The following ZNF17 variants were observed in gnomAD, a reference collection of about 807,000 sequenced individuals.
ZNF17 encodes the protein zinc finger protein 17 (HPF3, KOX 10).
In ZNF17, 4 loss-of-function variants were observed where a neutral mutation model predicts 7.7. The ratio of observed to expected loss-of-function variants is 0.52; its 90% confidence interval spans 0.26 to 1.20. The LOEUF is 1.20. Ranked by LOEUF, ZNF17 falls within the 50% of genes most tolerant of loss-of-function variation. ZNF17 has a pLI of 0.14. For synonymous variants in ZNF17, 249 were observed against 258.8 expected (o/e 0.96, Z 0.36); for missense variants, 738 against 799.5 (o/e 0.92, Z 0.93).
At position 57,421,305 on chromosome 19, in the gene ZNF17, A is replaced by G; in HGVS notation, c.1819A>G (p.Thr607Ala). 3 of 1,614,044 alleles carry G rather than the reference A, an allele frequency of 1.9e-6. No homozygotes were observed. Among genetic ancestry groups the G allele is most frequent in the Non-Finnish European group, 2.5e-6 (3 of 1,179,992 alleles). ...STLISHERVH[T>A]GEKPYECSEC... Reference sequence around the variant, plus strand: ...ACTCATTAGTCATGAGAGAGTTCATACTGGAGAAAAGCCTTATGAGTGCAG... The same window carrying G: ...ACTCATTAGTCATGAGAGAGTTCATGCTGGAGAAAAGCCTTATGAGTGCAG... The change falls in exon 4 of 4, where the codon ACT (threonine) becomes GCT (alanine). Residue 607 changes from threonine (T) to alanine (A), a missense_variant. Around this residue, in one of 3 missense-constraint regions of ZNF17, gnomAD observed 116 missense variants for 114.0 expected, o/e 1.02. Coordinates refer to ENST00000307658, the MANE Select transcript of ZNF17 (RefSeq NM_001330617.2).
intron 2 of ZNF17, 103 bp from the exon 3 acceptor site, chr19:57,417,809 T>G: frequency 7.1e-7 from 1 of 1,410,982 alleles, no homozygotes; most frequent in Non-Finnish European, 9.6e-7. Flanking sequence ...ATCACACCAC[T>G]GCACTCCAGC....
chr19:57,419,079 C>G (rs1255874550), intron 3 of ZNF17: 1 of 152,952 alleles, frequency 6.5e-6, no homozygotes, highest in African/African-American at 2.4e-5. Flanking sequence ...CGGTGTTTCT[C>G]CATGTTGGTC....
At chr19:57,413,549 G>A in intron 1 of ZNF17, 47 bp from the exon 2 acceptor site, 3 of 1,533,694 alleles carry the variant, frequency 2.0e-6, no homozygotes, top group Non-Finnish European at 2.6e-6. Context: ...CAGCCTGTAG[G>A]ATGCTGCAAT....
At chr19:57,413,264 C>A in intron 1 of ZNF17, 1 of 259,772 alleles carries the variant, frequency 3.8e-6, no homozygotes, top group African/African-American at 2.2e-5. Flanking sequence ...AATACACACC[C>A]AAAATTTCAA....
Position 57,411,174 on chromosome 19 carries a change from G to C in ZNF17, c.-253G>C, listed in dbSNP as rs1044971671. On this transcript the variant is annotated 5_prime_UTR_variant, in exon 1 of 4. Transcript: ENST00000307658. ...GCGGGACTTCCTGCAACGCCTCCTG[G>C]GGTTGTCAATATGGCTGCGTTGGGA... 2 of 591,864 alleles carry C rather than the reference G, an allele frequency of 3.4e-6. No homozygotes were observed. The highest frequency in any genetic ancestry group is 3.7e-5 in the African/African-American group (2 of 53,342). 36.7% of individuals were successfully genotyped at this position (591,864 alleles called of 1,614,324 possible). A position where few individuals can be genotyped will look rare whatever the true frequency, so the allele number is the denominator to read the frequency against.
In ZNF17 at chr19:57,420,282, C is replaced by T. The variant is rs747217901; in HGVS notation, c.796C>T (p.His266Tyr). 6.2e-7 allele frequency: 1 copy of T among 1,614,186 alleles called. No homozygotes were observed. Among genetic ancestry groups the T allele is most frequent in the South Asian group, 1.1e-5 (1 of 91,088 alleles). ...AFSLKYNVVQ[H>Y]QKIHTGERPY... ...CAGCCTCAAATACAATGTTGTTCAA[C>T]ACCAGAAAATTCACACTGGAGAAAG... Residue 266 changes from histidine to tyrosine, a missense_variant, in exon 4 of 4, where the codon CAC (histidine) becomes TAC (tyrosine). By Grantham distance (83) the His-to-Tyr change is moderately conservative. This residue lies in a region of ZNF17 where 616 missense variants were observed against 663.9 expected (regional missense o/e 0.93). Coordinates refer to ENST00000307658, the MANE Select transcript of ZNF17 (RefSeq NM_001330617.2).
In ZNF17 at chr19:57,420,403, G is replaced by C; in HGVS notation, c.917G>C (p.Cys306Ser). 1 of 1,614,212 alleles carries C rather than the reference G, an allele frequency of 6.2e-7. No individual in the cohort carries two copies. Among genetic ancestry groups the C allele is most frequent in the East Asian group, 2.2e-5 (1 of 44,882 alleles). ...CACACCAGGCCAAGGCCTTATGTGT[G>C]TAGTGAATGTGGGAAGGCCTTCCTT... is the stretch of plus-strand genomic sequence containing the variant. ...RIHTRPRPYV[C>S]SECGKAFLTQ... is the part of the protein sequence containing the mutation. The change falls in exon 4 of 4, where the codon TGT becomes TCT. Residue 306 changes from cysteine to serine, a missense_variant. Around this residue, in one of 3 missense-constraint regions of ZNF17, gnomAD observed 616 missense variants for 663.9 expected, o/e 0.93. Coordinates refer to ENST00000307658, the MANE Select transcript of ZNF17 (RefSeq NM_001330617.2).
chr19:57,421,794 C>G lies in ZNF17; in HGVS notation c.*313C>G, dbSNP rs1216286855. 2 of 232,018 alleles carry G rather than the reference C, an allele frequency of 8.6e-6. No individual in the cohort carries two copies. Among genetic ancestry groups the G allele is most frequent in the Non-Finnish European group, 1.7e-5 (2 of 121,172 alleles). The allele number at this position is 232,018 out of a possible 1,614,324, so 14.4% of individuals were successfully genotyped here. On this transcript the variant is annotated 3_prime_UTR_variant, in exon 4 of 4. Transcript: ENST00000307658. ...AGTCCGGGTACCTCATATAAGAAAA[C>G]TTAAGTTTTGGTCTTCTTGTGGTTT... is the stretch of plus-strand genomic sequence containing the variant.
At chr19:57,419,524 C>T (rs942285969) in intron 3 of ZNF17, 111 bp from the exon 4 acceptor site, 82 of 1,197,584 alleles carry the variant, frequency 6.8e-5, no homozygotes, top group Admixed American at 1.0e-4. Context: ...ATGTCCCATG[C>T]CTGTCACCAA....
In ZNF17 at chr19:57,417,930, G is replaced by C. The variant is rs1352322278; in HGVS notation, c.40G>C (p.Asp14His). 2.5e-6 allele frequency: 4 copies of C among 1,614,022 alleles called. 1 individual carries two copies. The South Asian group carries it at 4.4e-5, about 18-fold the overall frequency. ...TTGGCAGGATTATATGGTTTTTGAG[G>C]ACGTGGCCATACATTTCTCCCAGGA... Reference protein sequence around the residue: ...DAGQDYMVFEDVAIHFSQEEW... With the variant: ...DAGQDYMVFEHVAIHFSQEEW... The change falls in exon 3 of 4, where the codon GAC (aspartate) becomes CAC (histidine). Residue 14 changes from aspartate (D) to histidine (H), a missense_variant. By Grantham distance (81) the Asp-to-His change is moderately conservative. Coordinates refer to ENST00000307658, the MANE Select transcript of ZNF17 (RefSeq NM_001330617.2).
rs2088845461 is a variant in ZNF17, at chr19:57,420,818, T to C, written c.1332T>C (p.Tyr444=). 1.9e-6 allele frequency: 3 copies of C among 1,614,172 alleles called. No individual in the cohort carries two copies. The highest frequency in any genetic ancestry group is 1.7e-5 in the Admixed American group (1 of 60,018). ...HQRVHTGEKP[Y]ECNKCGKFFR... is the part of the protein sequence containing the mutation. ...GAGTTCATACTGGAGAAAAGCCTTA[T>C]GAATGCAACAAATGTGGGAAATTCT... Residue 444 remains tyrosine (Y), a synonymous_variant, in exon 4 of 4, where the codon TAT becomes TAC. Coordinates refer to ENST00000307658, the MANE Select transcript of ZNF17 (RefSeq NM_001330617.2).
chr19:57,411,764 TA>T, intron 1 of ZNF17: 1 of 939,674 alleles, frequency 1.1e-6, no homozygotes, highest in Non-Finnish European at 1.3e-6. Flanking sequence ...AACAGGATGT[TA>T]AACCAGGACA....
chr19:57,416,681 T>G (rs1188064601), intron 2 of ZNF17, among the ~76,000 whole-genome samples: 2 of 151,852 alleles, frequency 1.3e-5, no homozygotes, highest in Non-Finnish European at 2.9e-5. Context: ...GGCTAATTTT[T>G]GTATTTTTAG....
In ZNF17 at chr19:57,421,209, C is replaced by T. The variant is rs2088849189; in HGVS notation, c.1723C>T (p.Gln575Ter). The T allele has an allele frequency of 6.2e-7, 1 of 1,614,026 alleles. No homozygotes were observed. Among genetic ancestry groups the T allele is most frequent in the Non-Finnish European group, 8.5e-7 (1 of 1,180,022 alleles). ...FSQNSHLIRH[Q>*]KVHTRERTYK... ...CCAAAATTCCCACCTCATTCGGCAC[C>T]AAAAAGTTCACACTAGGGAAAGAAC... The change falls in exon 4 of 4, where the codon CAA becomes TAA. Residue 575 changes from glutamine (Q) to a stop codon, truncating the protein, a stop_gained. Transcript: ENST00000307658. LOFTEE classifies it low-confidence loss of function (END_TRUNC).
intron 2 of ZNF17, among the ~76,000 whole-genome samples, chr19:57,415,350 A>G (rs1030480482): frequency 6.6e-6 from 1 of 152,172 alleles, no homozygotes; most frequent in African/African-American, 2.4e-5. Flanking sequence ...GGGGAGTTTA[A>G]TAGAGCATAT....
intron 1 of ZNF17, among the ~76,000 whole-genome samples, chr19:57,412,916 T>A (rs2088787678): frequency 6.6e-6 from 1 of 151,108 alleles, no homozygotes; most frequent in Admixed American, 6.6e-5. Flanking sequence ...TCTCGCTCTG[T>A]CGCCAGGCTG....
At chr19:57,416,798 A>G (rs2088813874) in intron 2 of ZNF17, among the ~76,000 whole-genome samples, 1 of 151,818 alleles carries the variant, frequency 6.6e-6, no homozygotes. Flanking sequence ...ATGAGCCACC[A>G]TGCCCGGCCA....
chr19:57,415,680 T>G, intron 2 of ZNF17, among the ~76,000 whole-genome samples: 1 of 151,924 alleles, frequency 6.6e-6, no homozygotes, highest in East Asian at 1.9e-4. Context: ...TGAGGATATG[T>G]GTGTGTGTAT....
chr19:57,419,579 G>A, intron 3 of ZNF17, 56 bp from the exon 4 acceptor site: 1 of 1,539,044 alleles, frequency 6.5e-7, no homozygotes, highest in Non-Finnish European at 8.8e-7. Context: ...CATTTGTTAT[G>A]GGGCTGCCTC....
Sources: allele counts gnomAD v4.1 joint callset (sites outside exome capture counted in the v4.1 genomes callset), GRCh38; gene constraint gnomAD v4.1.1; regional missense constraint gnomAD v4.1.1; transcripts MANE v1.5; gene names NCBI Gene and HGNC (gene_info 2026-07-23, HGNC 2026-07-21).